LNPK: variants seen among roughly 807,000 people sequenced by gnomAD.
LNPK encodes the protein endoplasmic reticulum junction formation protein lunapark.
LNPK carries 29 observed loss-of-function variants against 55.2 expected under a neutral mutation model. The observed-to-expected ratio is 0.53, with a 90% CI of 0.39 to 0.72. The LOEUF (loss-of-function observed/expected upper bound fraction) is 0.72, where lower values mean the gene tolerates loss of function less well. Among genes scored for constraint, LNPK ranks in the 30% least tolerant of loss-of-function variants. LNPK has a pLI of 0.00. For missense variants in LNPK, 467 were observed against 494.8 expected (o/e 0.94, Z 0.53); for synonymous variants, 162 against 168.2 (o/e 0.96, Z 0.29).
chr2:175,951,584 C>CATATATATAT lies in LNPK; in HGVS notation c.494-3902_494-3893dup, dbSNP rs56037027. On this transcript the variant is annotated intron_variant, in intron 8 of 12. Coordinates refer to ENST00000272748, the MANE Select transcript of LNPK (RefSeq NM_030650.3). ...TATGGCTGAGTAGTATTCCATCATT[C>CATATATATAT]ATATATATATATATATATATATATA... Among the ~76,000 whole-genome samples the CATATATATAT allele has an allele frequency of 9.4e-3, 856 of 90,628 alleles. 57 individuals are homozygous for CATATATATAT. Among genetic ancestry groups the CATATATATAT allele is most frequent in the African/African-American group, 0.034 (750 of 21,786 alleles). The allele number at this position is 90,628 out of a possible 152,430, so 59.5% of individuals were successfully genotyped here.
At chr2:175,954,855 G>A (rs1459860044) in intron 8 of LNPK, among the ~76,000 whole-genome samples, 1 of 152,084 alleles carries the variant, frequency 6.6e-6, no homozygotes, top group Non-Finnish European at 1.5e-5. Context: ...CACATTGAAG[G>A]GGATTCAGAG....
chr2:175,995,755 G>T, intron 1 of LNPK, 109 bp from the exon 2 acceptor site: 1 of 306,894 alleles, frequency 3.3e-6, no homozygotes, highest in South Asian at 4.4e-5. Flanking sequence ...TTATTTGGAT[G>T]CCACATATAT....
At chr2:175,972,614 T>A (rs1279909655) in intron 5 of LNPK, among the ~76,000 whole-genome samples, 9 of 152,194 alleles carry the variant, frequency 5.9e-5, no homozygotes, top group Admixed American at 1.3e-4. Context: ...CAAAGCTAAG[T>A]GTTCTCTATC....
chr2:175,973,249 G>A (rs1686743385), intron 5 of LNPK, among the ~76,000 whole-genome samples: 1 of 152,168 alleles, frequency 6.6e-6, no homozygotes, highest in South Asian at 2.1e-4. Context: ...CTCATTTGAA[G>A]TATTTCAATC....
At chr2:175,939,791 A>G (rs544008296) in intron 9 of LNPK, 134 bp from the exon 10 acceptor site, 303 of 506,506 alleles carry the variant, frequency 6.0e-4, no homozygotes, top group African/African-American at 5.6e-3. Context: ...ACTAATTCTT[A>G]TAAATCTCTG....
Position 175,929,521 on chromosome 2 carries a change from G to T in LNPK, c.*446C>A. On this transcript the variant is annotated 3_prime_UTR_variant, in exon 13 of 13. Coordinates refer to ENST00000272748, the MANE Select transcript of LNPK (RefSeq NM_030650.3). The stretch of plus-strand genomic sequence containing the variant: ...ATTTCTCCCAGTTGTAAATATCTCA[G>T]GAGCTAAAATTCTATCAATTTTTAA... 1.0e-6 allele frequency: 1 copy of T among 993,946 alleles called. No individual in the cohort carries two copies. Among genetic ancestry groups the T allele is most frequent in the Non-Finnish European group, 1.2e-6 (1 of 835,172 alleles). The allele number at this position is 993,946 out of a possible 1,614,324, so 61.6% of individuals were successfully genotyped here. A position where few individuals can be genotyped will look rare whatever the true frequency, so the allele number is the denominator to read the frequency against.
At chr2:175,984,252 C>G (rs891506814) in intron 4 of LNPK, among the ~76,000 whole-genome samples, 4 of 151,704 alleles carry the variant, frequency 2.6e-5, no homozygotes, top group Admixed American at 1.3e-4. Context: ...GATCTTGACT[C>G]ACTGAAACCT....
chr2:175,933,376 A>C (rs1394843524), intron 12 of LNPK, among the ~76,000 whole-genome samples: 1 of 152,192 alleles, frequency 6.6e-6, no homozygotes, highest in Non-Finnish European at 1.5e-5. Flanking sequence ...AGAAAATTAA[A>C]TAATAGTCTA....
At chr2:176,001,525 A>T (rs140160813) in intron 1 of LNPK, among the ~76,000 whole-genome samples, 155 of 152,200 alleles carry the variant, frequency 1.0e-3, no homozygotes, top group African/African-American at 3.3e-3. Flanking sequence ...CCTCTGATAC[A>T]ATGCACCTTC....
At chr2:175,969,370 T>C (rs868534155) in intron 6 of LNPK, among the ~76,000 whole-genome samples, 6 of 152,224 alleles carry the variant, frequency 3.9e-5, no homozygotes, top group African/African-American at 1.4e-4. Context: ...AGTAAATAGC[T>C]TGACTTATCC....
intron 12 of LNPK, chr2:175,935,919 C>CT (rs576667776): frequency 5.7e-4 from 86 of 150,904 alleles, no homozygotes; most frequent in Middle Eastern, 3.3e-3. Context: ...TTCTTCCTGT[C>CT]TTTTTTTTTT....
chr2:175,978,844 T>G (rs1029640100), intron 5 of LNPK, among the ~76,000 whole-genome samples: 13 of 152,082 alleles, frequency 8.5e-5, no homozygotes, highest in African/African-American at 3.1e-4. Context: ...GACAGATAAG[T>G]AGGAAGAGAA....
chr2:175,930,833 T>G (rs371635457), intron 12 of LNPK, among the ~76,000 whole-genome samples: 3 of 152,298 alleles, frequency 2.0e-5, no homozygotes, highest in East Asian at 3.9e-4. Flanking sequence ...TGGGTCAGAA[T>G]GTACTACATA....
At position 175,925,255 on chromosome 2, in the gene LNPK, T is replaced by C. The variant is rs1338033425; in HGVS notation, c.*4712A>G. On this transcript the variant is annotated 3_prime_UTR_variant, in exon 13 of 13. Coordinates refer to ENST00000272748, the MANE Select transcript of LNPK (RefSeq NM_030650.3). ...GCATAAAATGAGTTTGTATGAGAAA[T>C]AGCAACTTCAAGAATAAAAGGCCTA... 3 of 152,212 alleles carry C rather than the reference T, an allele frequency of 2.0e-5. No individual in the cohort carries two copies. Among genetic ancestry groups the C allele is most frequent in the South Asian group, 2.1e-4 (1 of 4,810 alleles). 9.4% of individuals were successfully genotyped at this position (152,212 alleles called of 1,614,324 possible).
At position 175,957,921 on chromosome 2, in the gene LNPK, T is replaced by G. The variant is rs189380482; in HGVS notation, c.493+6451A>C. Among the ~76,000 whole-genome samples, 866 of 152,302 alleles carry G rather than the reference T, an allele frequency of 5.7e-3. 9 individuals carry two copies. The highest frequency in any genetic ancestry group is 0.02 in the African/African-American group (815 of 41,558). On this transcript the variant is annotated intron_variant, in intron 8 of 12. Transcript: ENST00000272748. ...AGGGGATTATATCCCGTGTCTGGTT[T>G]GGCAGATCCTATGCCCACGGAGCCT...
At chr2:175,965,386 A>G (rs1291938518) in intron 6 of LNPK, among the ~76,000 whole-genome samples, 6 of 152,240 alleles carry the variant, frequency 3.9e-5, no homozygotes, top group Admixed American at 3.3e-4. Context: ...GTTCAACATC[A>G]GAAAAAGTTG....
intron 6 of LNPK, chr2:175,967,800 A>G (rs2105642544): frequency 1.0e-6 from 1 of 959,862 alleles, no homozygotes; most frequent in Middle Eastern, 5.3e-4. Context: ...GTTATTGTGT[A>G]GCCTAAGGTG....
chr2:175,964,855 A>C lies in LNPK; in HGVS notation c.358-266T>G, dbSNP rs546960225. Among the ~76,000 whole-genome samples, 15 of 152,302 alleles carry C rather than the reference A, an allele frequency of 9.8e-5. No individual in the cohort carries two copies. The South Asian group carries it at 3.1e-3, about 32-fold the overall frequency. Reference sequence around the variant, plus strand: ...GAGAATAATTACATGCACCAACTTCAATAATGGAATGTGCAAAAATCTATC... The same window carrying C: ...GAGAATAATTACATGCACCAACTTCCATAATGGAATGTGCAAAAATCTATC... On this transcript the variant is annotated intron_variant, in intron 6 of 12. Transcript: ENST00000272748.
Position 175,937,468 on chromosome 2 carries a change from G to C in LNPK, c.930C>G (p.Thr310=). 6.2e-7 allele frequency: 1 copy of C among 1,613,500 alleles called. No individual in the cohort carries two copies. The highest frequency in any genetic ancestry group is 8.5e-7 in the Non-Finnish European group (1 of 1,179,650). ...CAGGAAGTCTTGGAGCCTGAGGTCT[G>C]GTTTTTCTTGCAGGGTTCAAGAAAA... ...YCFFLNPARK[T]RPQAPRLPEF... is the part of the protein sequence containing the mutation. The change falls in exon 12 of 13, where the codon ACC becomes ACG. Residue 310 remains threonine (T), a synonymous_variant. Coordinates refer to ENST00000272748, the MANE Select transcript of LNPK (RefSeq NM_030650.3).
Sources: gnomAD v4.1 joint callset for allele counts (sites outside exome capture counted in the v4.1 genomes callset) on GRCh38, gnomAD v4.1.1 for gene constraint, MANE v1.5 for transcripts, NCBI Gene and HGNC (gene_info 2026-07-23, HGNC 2026-07-21) for gene names.